TRPM3: variants seen among roughly 807,000 people sequenced by gnomAD.
The protein encoded by TRPM3 is transient receptor potential cation channel subfamily M member 3.
Under a neutral mutation model 181.2 loss-of-function variants are expected in TRPM3, and 77 were observed. The observed-to-expected ratio is 0.42, with a 90% confidence interval of 0.35 to 0.51. The LOEUF (loss-of-function observed/expected upper bound fraction) is 0.51. TRPM3 is among the 20% of genes least tolerant of loss of function. TRPM3 has a pLI of 0.01. For missense variants in TRPM3, 1,759 were observed against 2,196.7 expected, an observed-to-expected ratio of 0.80 and a Z score of 3.98; for synonymous variants, 745 against 796.4, an observed-to-expected ratio of 0.94 and a Z score of 1.09.
chr9:71,359,509 C>T (rs2092052833), intron 1 of TRPM3, among the ~76,000 whole-genome samples: 1 of 152,164 alleles, frequency 6.6e-6, no homozygotes, highest in African/African-American at 2.4e-5. Context: ...CTGCTATTAA[C>T]CCACTGCTAT....
chr9:71,335,578 AT>A (rs1476554583), intron 1 of TRPM3, among the ~76,000 whole-genome samples: 1 of 152,188 alleles, frequency 6.6e-6, no homozygotes, highest in Admixed American at 6.6e-5. Context: ...TAAATTTCCT[AT>A]TTTTTCATTT....
At position 70,843,138 on chromosome 9, in the gene TRPM3, A is replaced by AG. The variant is rs761822732; in HGVS notation, c.677-12_677-11insC. ...CATGACGAATAACACCTAAAAAAAAAAGAGAAGCATTGATTTTTTCTTTTA... is the reference window on the plus strand; with the variant it reads ...CATGACGAATAACACCTAAAAAAAAAGAGAGAAGCATTGATTTTTTCTTTTA... On this transcript the variant is annotated splice_polypyrimidine_tract_variant and intron_variant, in intron 4 of 25. Transcript: ENST00000677713. The AG allele has an allele frequency of 4.4e-6, 7 of 1,595,688 alleles. No individual in the cohort carries two copies. The South Asian group carries it at 5.8e-5, about 13-fold the overall frequency.
intron 1 of TRPM3, among the ~76,000 whole-genome samples, chr9:70,921,618 G>A (rs1468199018): frequency 6.6e-6 from 1 of 152,174 alleles, no homozygotes; most frequent in African/African-American, 2.4e-5. Flanking sequence ...AGCTCAAAGA[G>A]TTTGATACGT....
chr9:71,298,380 ATGAAT>A (rs2086474859), intron 1 of TRPM3, among the ~76,000 whole-genome samples: 1 of 152,112 alleles, frequency 6.6e-6, no homozygotes, highest in East Asian at 1.9e-4. Context: ...AGCTCAAGGG[ATGAAT>A]ATGGTCCTGG....
chr9:71,332,155 C>G (rs903309001), intron 1 of TRPM3, among the ~76,000 whole-genome samples: 1 of 151,700 alleles, frequency 6.6e-6, no homozygotes, highest in African/African-American at 2.4e-5. Context: ...AAGAAAACTA[C>G]TAAGTATATT....
At chr9:71,051,072 G>A (rs528065669) in intron 1 of TRPM3, among the ~76,000 whole-genome samples, 1 of 152,256 alleles carries the variant, frequency 6.6e-6, no homozygotes, top group East Asian at 1.9e-4. Context: ...AGTTCTAGGG[G>A]AAAAGAGGGA....
At chr9:71,166,493 G>A (rs191976339) in intron 1 of TRPM3, among the ~76,000 whole-genome samples, 1 of 152,076 alleles carries the variant, frequency 6.6e-6, no homozygotes, top group Admixed American at 6.6e-5. Flanking sequence ...AGCAGCCAAG[G>A]CCATAGTCTA....
chr9:70,540,460 C>A (rs552877734), intron 25 of TRPM3, among the ~76,000 whole-genome samples: 83 of 152,262 alleles, frequency 5.5e-4, no homozygotes, highest in Middle Eastern at 3.4e-3. Flanking sequence ...CACATCCCAC[C>A]CCTGACCTTC....
intron 1 of TRPM3, among the ~76,000 whole-genome samples, chr9:71,365,854 G>A (rs184459678): frequency 5.9e-5 from 9 of 152,152 alleles, no homozygotes; most frequent in South Asian, 2.1e-4. Context: ...TCATGCTCTC[G>A]TGGGGCTGCC....
intron 1 of TRPM3, among the ~76,000 whole-genome samples, chr9:71,407,758 T>C (rs538324158): frequency 5.5e-4 from 84 of 152,182 alleles, no homozygotes; most frequent in African/African-American, 1.9e-3. Flanking sequence ...GCTCTGACTA[T>C]GGACAGAGTG....
intron 1 of TRPM3, among the ~76,000 whole-genome samples, chr9:71,206,277 A>T (rs1910599): frequency 0.7 from 106,494 of 151,672 alleles, 37,631 homozygotes; most frequent in African/African-American, 0.77. Flanking sequence ...GACATTTTAG[A>T]GATCGCCGTT....
intron 22 of TRPM3, among the ~76,000 whole-genome samples, chr9:70,558,765 G>A (rs2309741): frequency 0.62 from 94,532 of 152,102 alleles, 30,095 homozygotes; most frequent in East Asian, 0.83. Context: ...TCAAAGTCAC[G>A]TGCAGGTACA....
intron 6 of TRPM3, among the ~76,000 whole-genome samples, chr9:70,808,517 A>C (rs1369273582): frequency 6.6e-6 from 1 of 152,236 alleles, no homozygotes; most frequent in Non-Finnish European, 1.5e-5. Context: ...CTGTTCCCTC[A>C]AAGTTATTTT....
At chr9:70,992,536 T>C (rs1036465783) in intron 1 of TRPM3, among the ~76,000 whole-genome samples, 8 of 152,198 alleles carry the variant, frequency 5.3e-5, no homozygotes, top group Admixed American at 3.3e-4. Flanking sequence ...AGCAACACTG[T>C]CTAACAAAAC....
At chr9:71,105,609 T>C (rs1435044745) in intron 1 of TRPM3, among the ~76,000 whole-genome samples, 1 of 152,092 alleles carries the variant, frequency 6.6e-6, no homozygotes, top group Non-Finnish European at 1.5e-5. Flanking sequence ...CAGAGGAATA[T>C]TGTGTCCTGG....
chr9:70,820,954 A>G (rs1268247887), intron 6 of TRPM3, among the ~76,000 whole-genome samples: 2 of 152,160 alleles, frequency 1.3e-5, no homozygotes, highest in African/African-American at 2.4e-5. Context: ...GAAAGTCACA[A>G]TTGCTGAAGA....
intron 1 of TRPM3, among the ~76,000 whole-genome samples, chr9:71,112,913 G>A (rs141332866): frequency 1.3e-5 from 2 of 152,138 alleles, no homozygotes; most frequent in African/African-American, 4.8e-5. Flanking sequence ...TCTGGTGCAG[G>A]TTTTCCAGGC....
At chr9:71,160,534 T>G (rs189200293) in intron 1 of TRPM3, among the ~76,000 whole-genome samples, 1 of 152,166 alleles carries the variant, frequency 6.6e-6, no homozygotes, top group African/African-American at 2.4e-5. Flanking sequence ...CTTCTCACTC[T>G]TTCTAATCTC....
intron 8 of TRPM3, among the ~76,000 whole-genome samples, chr9:70,687,954 G>C (rs569415422): frequency 6.6e-6 from 1 of 152,308 alleles, no homozygotes; most frequent in South Asian, 2.1e-4. Flanking sequence ...GGAAGACAGA[G>C]CAAAAGTAAG....
Sources: gnomAD v4.1 joint callset for allele counts (sites outside exome capture counted in the v4.1 genomes callset) on GRCh38, gnomAD v4.1.1 for gene constraint, MANE v1.5 for transcripts, NCBI Gene and HGNC (gene_info 2026-07-23, HGNC 2026-07-21) for gene names.